The following ZBTB16 variants were observed in gnomAD, a reference collection of about 807,000 sequenced individuals.
ZBTB16 encodes the protein zinc finger and BTB domain containing 16.
Under a neutral mutation model 56.8 loss-of-function variants are expected in ZBTB16, and 8 were observed. The observed-to-expected ratio is 0.14, with a 90% CI of 0.08 to 0.25. The LOEUF is 0.25. ZBTB16 is among the 10% of genes least tolerant of loss of function. The pLI, the probability that ZBTB16 is intolerant of heterozygous loss-of-function variation, is 1.00. For synonymous variants in ZBTB16, 363 were observed against 368.5 expected (o/e 0.98, Z 0.17); for missense variants, 625 against 903.0 (o/e 0.69, Z 3.95).
intron 2 of ZBTB16, among the ~76,000 whole-genome samples, chr11:114,135,405 T>C (rs1020164047): frequency 6.6e-6 from 1 of 152,228 alleles, no homozygotes; most frequent in Non-Finnish European, 1.5e-5. Context: ...CAGCTGAGTT[T>C]AAGATAGAGA....
intron 2 of ZBTB16, among the ~76,000 whole-genome samples, chr11:114,121,607 C>G (rs950432471): frequency 7.2e-5 from 11 of 152,162 alleles, no homozygotes; most frequent in African/African-American, 2.7e-4. Context: ...GACATAGGGA[C>G]TGGTATTATC....
chr11:114,233,113 A>C (rs1565700030), intron 4 of ZBTB16, among the ~76,000 whole-genome samples: 1 of 52,944 alleles, frequency 1.9e-5, no homozygotes, highest in East Asian at 8.9e-4. Context: ...ACACACACAC[A>C]CACACACACA....
chr11:114,142,106 C>A (rs1415404136), intron 2 of ZBTB16, among the ~76,000 whole-genome samples: 1 of 152,140 alleles, frequency 6.6e-6, no homozygotes, highest in African/African-American at 2.4e-5. Flanking sequence ...GACTTGGTGA[C>A]AAATGCTCAG....
At chr11:114,070,094 CTTTTTTTTTTTTT>C (rs4020465) in intron 2 of ZBTB16, among the ~76,000 whole-genome samples, 20 of 75,966 alleles carry the variant, frequency 2.6e-4, no homozygotes, top group Non-Finnish European at 4.0e-4. Flanking sequence ...GAGTACCTTT[CTTTTTTTTTTTTT>C]TTTTTTTTTT....
intron 4 of ZBTB16, among the ~76,000 whole-genome samples, chr11:114,238,175 T>C (rs1005274532): frequency 6.6e-6 from 1 of 152,190 alleles, no homozygotes; most frequent in African/African-American, 2.4e-5. Flanking sequence ...TCTGCCCTGG[T>C]CTGGTCCCTA....
intron 2 of ZBTB16, among the ~76,000 whole-genome samples, chr11:114,149,826 T>G (rs1408629228): frequency 6.6e-6 from 1 of 152,166 alleles, no homozygotes. Context: ...TTAGAATGAT[T>G]GCTTCTTTTT....
intron 4 of ZBTB16, among the ~76,000 whole-genome samples, chr11:114,217,291 A>G (rs1376067577): frequency 6.6e-6 from 1 of 152,192 alleles, no homozygotes; most frequent in Non-Finnish European, 1.5e-5. Flanking sequence ...GATCAGATAC[A>G]TTTTGGATAG....
chr11:114,081,551 C>T (rs1271361308), intron 2 of ZBTB16, among the ~76,000 whole-genome samples: 1 of 152,064 alleles, frequency 6.6e-6, no homozygotes, highest in Non-Finnish European at 1.5e-5. Flanking sequence ...TGGGTAGGCC[C>T]TGGGAATACT....
chr11:114,159,457 G>A (rs978391316), intron 3 of ZBTB16, among the ~76,000 whole-genome samples: 3 of 152,160 alleles, frequency 2.0e-5, no homozygotes, highest in Admixed American at 1.3e-4. Flanking sequence ...GATAGCTCAC[G>A]GCCTATATTC....
intron 5 of ZBTB16, among the ~76,000 whole-genome samples, chr11:114,245,552 A>T (rs987720991): frequency 6.6e-6 from 1 of 152,112 alleles, no homozygotes; most frequent in African/African-American, 2.4e-5. Context: ...TAACTTTGGG[A>T]GGGGGGAGCT....
intron 4 of ZBTB16, among the ~76,000 whole-genome samples, chr11:114,218,265 A>G (rs1944153563): frequency 2.6e-5 from 4 of 152,220 alleles, no homozygotes; most frequent in East Asian, 1.9e-4. Flanking sequence ...CCCTTTGCAC[A>G]TGTGTCTCTC....
At chr11:114,179,911 A>G (rs1288567018) in intron 3 of ZBTB16, among the ~76,000 whole-genome samples, 1 of 152,048 alleles carries the variant, frequency 6.6e-6, no homozygotes, top group Admixed American at 6.6e-5. Context: ...GGAGCTTGTC[A>G]TGGCTTCCAC....
intron 2 of ZBTB16, among the ~76,000 whole-genome samples, chr11:114,072,485 T>TA (rs1939385444): frequency 6.6e-6 from 1 of 152,224 alleles, no homozygotes; most frequent in Admixed American, 6.5e-5. Context: ...AGAGCACAGA[T>TA]ACCACCTTAC....
chr11:114,190,282 A>G (rs1943461833), intron 4 of ZBTB16, among the ~76,000 whole-genome samples: 1 of 152,202 alleles, frequency 6.6e-6, no homozygotes, highest in Non-Finnish European at 1.5e-5. Context: ...TCGACTTACA[A>G]TGGGACTGTG....
intron 3 of ZBTB16, among the ~76,000 whole-genome samples, chr11:114,176,489 ACT>A (rs746495495): frequency 3.3e-5 from 5 of 151,972 alleles, no homozygotes; most frequent in African/African-American, 4.8e-5. Context: ...CAATGTCTGG[ACT>A]CTCTGTTCCA....
At chr11:114,108,923 G>C (rs1368520432) in intron 2 of ZBTB16, among the ~76,000 whole-genome samples, 1 of 152,220 alleles carries the variant, frequency 6.6e-6, no homozygotes, top group Admixed American at 6.5e-5. Flanking sequence ...TTGATGGGCA[G>C]GTAAGGGTAC....
intron 2 of ZBTB16, among the ~76,000 whole-genome samples, chr11:114,118,973 A>G (rs1941258273): frequency 6.6e-6 from 1 of 151,980 alleles, no homozygotes; most frequent in African/African-American, 2.4e-5. Flanking sequence ...GTTACAAAGA[A>G]TTTAGAGGGG....
At chr11:114,103,844 G>A (rs1940698251) in intron 2 of ZBTB16, among the ~76,000 whole-genome samples, 1 of 152,150 alleles carries the variant, frequency 6.6e-6, no homozygotes, top group African/African-American at 2.4e-5. Context: ...GGCTTGTGGT[G>A]GCATCAGTGG....
chr11:114,219,104 G>A (rs1944170910), intron 4 of ZBTB16, among the ~76,000 whole-genome samples: 1 of 152,210 alleles, frequency 6.6e-6, no homozygotes, highest in Non-Finnish European at 1.5e-5. Flanking sequence ...CGGGGCTGGG[G>A]CAGAGTGGTG....
Sources: allele counts gnomAD v4.1 joint callset (sites outside exome capture counted in the v4.1 genomes callset), GRCh38; gene constraint gnomAD v4.1.1; transcripts MANE v1.5; gene names NCBI Gene and HGNC (gene_info 2026-07-23, HGNC 2026-07-21).